SOCS5: variants seen among roughly 807,000 people sequenced by gnomAD.
SOCS5 encodes the protein suppressor of cytokine signaling 5.
In SOCS5, 32 loss-of-function variants were observed where a neutral mutation model predicts 42.8. The ratio of observed to expected loss-of-function variants is 0.75; its 90% CI spans 0.56 to 1.01. The LOEUF (loss-of-function observed/expected upper bound fraction) is 1.01. Among genes scored for constraint, SOCS5 ranks in the 50% least tolerant of loss-of-function variants. The pLI is 0.00. For missense variants in SOCS5, 627 were observed against 653.0 expected (o/e 0.96, Z 0.43); for synonymous variants, 283 against 229.6 (o/e 1.23, Z -2.10).
chr2:46,757,199 G>C (rs1318016562), intron 1 of SOCS5, among the ~76,000 whole-genome samples: 1 of 152,068 alleles, frequency 6.6e-6, no homozygotes, highest in Non-Finnish European at 1.5e-5. Flanking sequence ...CTTATTCCTA[G>C]TTAACTTCTT....
At chr2:46,746,533 C>G (rs1213181333) in intron 1 of SOCS5, among the ~76,000 whole-genome samples, 1 of 151,952 alleles carries the variant, frequency 6.6e-6, no homozygotes, top group Non-Finnish European at 1.5e-5. Context: ...CATCTGTAGT[C>G]CCAGCTACTC....
chr2:46,713,413 A>T (rs1247687649), intron 1 of SOCS5, among the ~76,000 whole-genome samples: 2 of 152,154 alleles, frequency 1.3e-5, no homozygotes, highest in Admixed American at 1.3e-4. Context: ...TGTTTTGGTA[A>T]TTTGCATTTT....
intron 1 of SOCS5, among the ~76,000 whole-genome samples, chr2:46,752,275 G>A (rs1673639799): frequency 1.3e-5 from 2 of 151,930 alleles, no homozygotes; most frequent in South Asian, 2.1e-4. Flanking sequence ...ACTGCGCACA[G>A]GGGATCTAGG....
chr2:46,698,993 C>G (rs1442116974), upstream of SOCS5: 2 of 152,452 alleles, frequency 1.3e-5, no homozygotes, highest in Admixed American at 1.3e-4. Flanking sequence ...CGGACCTCCC[C>G]GACTCCCGGG....
rs184301099 is a variant in SOCS5, at chr2:46,742,281, G to A, written c.-12-16238G>A. On this transcript the variant is annotated intron_variant, in intron 1 of 1. Transcript: ENST00000394861. ...TCTTTTTTAAATAGAGACAGGTCTT[G>A]CTTTGTTGCCTAGGCTGGACTTTGA... 1.3e-4 allele frequency among the ~76,000 whole-genome samples: 20 copies of A among 152,068 alleles called. No individual in the cohort carries two copies. The East Asian group carries it at 3.9e-3, about 29-fold the overall frequency.
At chr2:46,744,336 T>A (rs944848817) in intron 1 of SOCS5, among the ~76,000 whole-genome samples, 6 of 152,174 alleles carry the variant, frequency 3.9e-5, no homozygotes, top group Non-Finnish European at 7.3e-5. Flanking sequence ...AGACCACTTA[T>A]TTGATAAACT....
At position 46,758,503 on chromosome 2, in the gene SOCS5, G is replaced by C; in HGVS notation, c.-12-16G>C. ...TTGATTAATTTATTTTTCTCTTTTT[G>C]CTGTTTTGTCTTTAGATTTTATAAT... On this transcript the variant is annotated splice_polypyrimidine_tract_variant and intron_variant, in intron 1 of 1. Coordinates refer to ENST00000394861, the MANE Select transcript of SOCS5 (RefSeq NM_144949.3). 6.6e-7 allele frequency: 1 copy of C among 1,521,702 alleles called. No individual in the cohort carries two copies. The highest frequency in any genetic ancestry group is 2.0e-5 in the Admixed American group (1 of 49,886). The allele number at this position is 1,521,702 out of a possible 1,614,324, so 94.3% of individuals were successfully genotyped here.
At chr2:46,734,349 C>G (rs1411799275) in intron 1 of SOCS5, among the ~76,000 whole-genome samples, 2 of 151,998 alleles carry the variant, frequency 1.3e-5, no homozygotes, top group Non-Finnish European at 2.9e-5. Flanking sequence ...CATCAAATAC[C>G]AAGTTTCTGG....
intron 1 of SOCS5, among the ~76,000 whole-genome samples, chr2:46,711,301 T>A (rs1186347133): frequency 6.6e-6 from 1 of 152,230 alleles, no homozygotes; most frequent in Non-Finnish European, 1.5e-5. Flanking sequence ...TGTTTCTTAT[T>A]ATCATCAATA....
chr2:46,716,109 C>CG (rs1373314843), intron 1 of SOCS5, among the ~76,000 whole-genome samples: 2 of 108,028 alleles, frequency 1.9e-5, no homozygotes, highest in East Asian at 5.0e-4. Context: ...CAGACACCCC[C>CG]CCTTTTTTTT....
intron 1 of SOCS5, among the ~76,000 whole-genome samples, chr2:46,742,798 T>C (rs1673407906): frequency 6.6e-6 from 1 of 152,006 alleles, no homozygotes; most frequent in African/African-American, 2.4e-5. Context: ...CCCGAGTAGC[T>C]CACATTACAG....
At chr2:46,702,283 G>A (rs1190975485) in intron 1 of SOCS5, among the ~76,000 whole-genome samples, 1 of 152,144 alleles carries the variant, frequency 6.6e-6, no homozygotes, top group Non-Finnish European at 1.5e-5. Context: ...CTAGAAAAAT[G>A]CACGATCAAA....
intron 1 of SOCS5, among the ~76,000 whole-genome samples, chr2:46,716,582 A>G (rs961970966): frequency 2.6e-5 from 4 of 151,956 alleles, no homozygotes; most frequent in Non-Finnish European, 5.9e-5. Context: ...GGCTCAAGAC[A>G]TCCTCCTGCT....
chr2:46,716,171 G>T, intron 1 of SOCS5, among the ~76,000 whole-genome samples: 1 of 147,182 alleles, frequency 6.8e-6, no homozygotes, highest in African/African-American at 2.5e-5. Context: ...ACTTCTCTAT[G>T]AGGTATTTCC....
chr2:46,745,452 A>T (rs569264163), intron 1 of SOCS5, among the ~76,000 whole-genome samples: 1 of 152,220 alleles, frequency 6.6e-6, no homozygotes, highest in Admixed American at 6.5e-5. Flanking sequence ...ATGTCTAGCT[A>T]TGGAGTATGA....
At chr2:46,754,200 TGTCTGTATTGGGGAAGCCATGCCCATA>T (rs1673684712) in intron 1 of SOCS5, among the ~76,000 whole-genome samples, 2 of 152,174 alleles carry the variant, frequency 1.3e-5, no homozygotes, top group Non-Finnish European at 1.5e-5. Flanking sequence ...AGATCCATAT[TGTCTGTATTGGGGAAGCCATGCCCATA>T]ATGTATCATG....
At chr2:46,728,233 C>T (rs1371074638) in intron 1 of SOCS5, among the ~76,000 whole-genome samples, 43 of 152,150 alleles carry the variant, frequency 2.8e-4, no homozygotes, top group Admixed American at 2.8e-3. Flanking sequence ...TTGCCATCTA[C>T]CTCCCACCAT....
chr2:46,759,783 G>C lies in SOCS5; in HGVS notation c.1253G>C (p.Ser418Thr). Reference protein sequence around the residue: ...SAQEDYLFSVSFRRYNRSLHA... With the variant: ...SAQEDYLFSVTFRRYNRSLHA... ...CAAGAGGACTACCTCTTCTCTGTGA[G>C]CTTCCGCCGCTACAACAGATCCCTG... Residue 418 changes from serine (S) to threonine (T), a missense_variant, in exon 2 of 2, where the codon AGC (serine) becomes ACC (threonine). By Grantham distance (58) the Ser-to-Thr change is moderately conservative. This residue lies in a region of SOCS5 where 340 missense variants were observed against 367.6 expected (regional missense o/e 0.92). Transcript: ENST00000394861. 6.2e-7 allele frequency: 1 copy of C among 1,614,130 alleles called. No homozygotes were observed. The highest frequency in any genetic ancestry group is 1.7e-5 in the Admixed American group (1 of 60,012).
chr2:46,729,739 A>T (rs1238149584), intron 1 of SOCS5, among the ~76,000 whole-genome samples: 1 of 152,232 alleles, frequency 6.6e-6, no homozygotes, highest in African/African-American at 2.4e-5. Context: ...TGTAGACCTT[A>T]TAAACACTGT....
Sources: gnomAD v4.1 joint callset for allele counts (sites outside exome capture counted in the v4.1 genomes callset) on GRCh38, gnomAD v4.1.1 for gene constraint, gnomAD v4.1.1 regional missense constraint, MANE v1.5 for transcripts, NCBI Gene and HGNC (gene_info 2026-07-23, HGNC 2026-07-21) for gene names.